KIAA1217: variants seen among roughly 807,000 people sequenced by gnomAD.
The protein encoded by KIAA1217 is KIAA1217.
In KIAA1217, 88 loss-of-function variants were observed where a neutral mutation model predicts 163.9. The ratio of observed to expected loss-of-function variants is 0.54; its 90% CI spans 0.45 to 0.64. KIAA1217 has a LOEUF of 0.64. Among genes scored for constraint, KIAA1217 ranks in the 30% least tolerant of loss-of-function variants. KIAA1217 has a pLI of 0.00. For synonymous variants in KIAA1217, 903 were observed against 923.1 expected (o/e 0.98, Z 0.39); for missense variants, 2,372 against 2,475.0 (o/e 0.96, Z 0.88).
chr10:24,172,006 G>A (rs1245932458), intron 2 of KIAA1217, among the ~76,000 whole-genome samples: 1 of 152,090 alleles, frequency 6.6e-6, no homozygotes, highest in Non-Finnish European at 1.5e-5. Flanking sequence ...TTTAAACAGA[G>A]AAGAAACTGA....
At chr10:24,428,441 G>A (rs1262236555) in intron 3 of KIAA1217, among the ~76,000 whole-genome samples, 1 of 152,166 alleles carries the variant, frequency 6.6e-6, no homozygotes, top group African/African-American at 2.4e-5. Flanking sequence ...GTGGAGAGGG[G>A]ACATGGAGCC....
At chr10:24,142,551 C>G (rs1295202132) in intron 2 of KIAA1217, among the ~76,000 whole-genome samples, 1 of 152,142 alleles carries the variant, frequency 6.6e-6, no homozygotes, top group Admixed American at 6.5e-5. Flanking sequence ...GACTTCACCA[C>G]TACGCAATAC....
At chr10:24,039,108 G>T (rs2131552824) in intron 2 of KIAA1217, among the ~76,000 whole-genome samples, 1 of 152,144 alleles carries the variant, frequency 6.6e-6, no homozygotes, top group Non-Finnish European at 1.5e-5. Flanking sequence ...CTAATTCACT[G>T]GGCCTGAGAT....
intron 1 of KIAA1217, among the ~76,000 whole-genome samples, chr10:23,795,708 C>A (rs544468027): frequency 6.6e-6 from 1 of 152,144 alleles, no homozygotes; most frequent in East Asian, 1.9e-4. Context: ...TGACTCTCTT[C>A]GGGCCCATCA....
At chr10:23,884,592 A>G (rs549504573) in intron 1 of KIAA1217, among the ~76,000 whole-genome samples, 3 of 152,058 alleles carry the variant, frequency 2.0e-5, no homozygotes, top group African/African-American at 4.8e-5. Context: ...TCAGTTTGAT[A>G]TTCTCAGGAG....
chr10:24,513,526 GCC>G, intron 10 of KIAA1217, 92 bp downstream of exon 10: 1 of 1,275,314 alleles, frequency 7.8e-7, no homozygotes, highest in South Asian at 1.4e-5. Context: ...TGGTGGTCTT[GCC>G]CTCTCTTTAT....
chr10:23,984,077 G>A (rs1845875695), intron 1 of KIAA1217, among the ~76,000 whole-genome samples: 1 of 152,178 alleles, frequency 6.6e-6, no homozygotes, highest in Admixed American at 6.5e-5. Flanking sequence ...CTGGACAAAG[G>A]TTGCCAGGGC....
chr10:24,057,934 C>T (rs1280593107), intron 2 of KIAA1217, among the ~76,000 whole-genome samples: 3 of 152,094 alleles, frequency 2.0e-5, no homozygotes, highest in African/African-American at 4.8e-5. Context: ...TTTTTGTTTT[C>T]GTTACCTGTG....
intron 1 of KIAA1217, among the ~76,000 whole-genome samples, chr10:23,921,189 A>G (rs1160726558): frequency 1.3e-5 from 2 of 152,210 alleles, no homozygotes; most frequent in Admixed American, 1.3e-4. Context: ...CATTTCAACA[A>G]CTGGCAAATT....
intron 2 of KIAA1217, among the ~76,000 whole-genome samples, chr10:24,270,975 A>G (rs911493981): frequency 6.6e-6 from 1 of 152,318 alleles, no homozygotes; most frequent in East Asian, 1.9e-4. Context: ...CTGAGGGGAA[A>G]TGGGTGAGAC....
intron 1 of KIAA1217, among the ~76,000 whole-genome samples, chr10:23,916,783 C>A (rs923145218): frequency 6.6e-6 from 1 of 151,892 alleles, no homozygotes; most frequent in Non-Finnish European, 1.5e-5. Context: ...ACCACCCTGG[C>A]TAATATGGTG....
chr10:23,804,481 T>A (rs138725645), intron 1 of KIAA1217, among the ~76,000 whole-genome samples: 191 of 152,312 alleles, frequency 1.3e-3, no homozygotes, highest in Non-Finnish European at 2.3e-3. Flanking sequence ...CAACCAGAGA[T>A]TCTGGGACAT....
intron 2 of KIAA1217, among the ~76,000 whole-genome samples, chr10:24,168,914 T>G (rs562543032): frequency 6.6e-6 from 1 of 152,326 alleles, no homozygotes; most frequent in East Asian, 1.9e-4. Flanking sequence ...GCTCTGAAGG[T>G]GTGCTTAAGT....
At chr10:24,010,897 A>G (rs1304452241) in intron 2 of KIAA1217, among the ~76,000 whole-genome samples, 2 of 152,116 alleles carry the variant, frequency 1.3e-5, no homozygotes, top group East Asian at 3.9e-4. Flanking sequence ...CAGAATGACC[A>G]AAAGATGGGA....
chr10:24,355,708 G>GAGC (rs1339168976), intron 2 of KIAA1217, among the ~76,000 whole-genome samples: 3 of 132,642 alleles, frequency 2.3e-5, no homozygotes, highest in Admixed American at 8.0e-5. Context: ...AGGCTGAGAT[G>GAGC]AGCATAGCAA....
intron 2 of KIAA1217, among the ~76,000 whole-genome samples, chr10:24,302,443 T>C (rs940741036): frequency 2.0e-5 from 3 of 152,234 alleles, no homozygotes; most frequent in African/African-American, 7.2e-5. Context: ...CACTTCCTAA[T>C]GTGTTGCTCT....
intron 2 of KIAA1217, among the ~76,000 whole-genome samples, chr10:24,330,296 A>G (rs958325428): frequency 1.4e-5 from 2 of 139,170 alleles, no homozygotes; most frequent in South Asian, 2.6e-4. Flanking sequence ...GTGAAACTCC[A>G]TCTCAAAAAA....
Position 24,479,072 on chromosome 10 carries a change from G to A in KIAA1217, c.1679+5012G>A, listed in dbSNP as rs555135138. ...TAGGAAGAAAAATTTTGCCCATTCC[G>A]AGCACCTATAACTACAGAAAAGCAA... is the stretch of plus-strand genomic sequence containing the variant. On this transcript the variant is annotated intron_variant, in intron 6 of 20. Transcript: ENST00000376454. Among the ~76,000 whole-genome samples the A allele has an allele frequency of 2.6e-5, 4 of 152,204 alleles. No individual in the cohort carries two copies. The South Asian group carries it at 6.2e-4, about 24-fold the overall frequency.
At chr10:24,319,521 G>A (rs1308960561) in intron 2 of KIAA1217, among the ~76,000 whole-genome samples, 1 of 152,000 alleles carries the variant, frequency 6.6e-6, no homozygotes, top group African/African-American at 2.4e-5. Flanking sequence ...AGATGAAATT[G>A]GCATAGGCGA....
Sources: allele counts gnomAD v4.1 joint callset (sites outside exome capture counted in the v4.1 genomes callset), GRCh38; gene constraint gnomAD v4.1.1; transcripts MANE v1.5; gene names NCBI Gene and HGNC (gene_info 2026-07-23, HGNC 2026-07-21).